The following CDK6 variants were observed in gnomAD, a reference collection of about 807,000 sequenced individuals.
The protein encoded by CDK6 is cyclin dependent kinase 6.
In CDK6, 6 loss-of-function variants were observed where a neutral mutation model predicts 37.1. The ratio of observed to expected loss-of-function variants is 0.16; its 90% CI spans 0.09 to 0.32. The LOEUF (loss-of-function observed/expected upper bound fraction) is 0.32, where lower values mean the gene tolerates loss of function less well. CDK6 is among the 10% of genes least tolerant of loss of function. CDK6 has a pLI of 1.00. For missense variants in CDK6, 224 were observed against 418.9 expected (o/e 0.53, Z 4.06); for synonymous variants, 160 against 161.3 (o/e 0.99, Z 0.06).
rs1487131285 is a variant in CDK6, at chr7:92,608,893, C to T, written c.*6247G>A. 1 of 232,356 alleles carries T rather than the reference C, an allele frequency of 4.3e-6. No homozygotes were observed. Among genetic ancestry groups the T allele is most frequent in the Non-Finnish European group, 8.5e-6 (1 of 117,470 alleles). The allele number at this position is 232,356 out of a possible 1,614,324, so 14.4% of individuals were successfully genotyped here. A position where few individuals can be genotyped will look rare whatever the true frequency, so the allele number is the denominator to read the frequency against. Reference sequence around the variant, plus strand: ...CCAAAGGGGCGGGGCAACGAGGCAGCGCGCCCGGAAGGCTTTCAAGTGGGA... The same window carrying T: ...CCAAAGGGGCGGGGCAACGAGGCAGTGCGCCCGGAAGGCTTTCAAGTGGGA... On this transcript the variant is annotated 3_prime_UTR_variant, in exon 8 of 8. Transcript: ENST00000424848.
chr7:92,621,348 C>CTG (rs1439746616), intron 6 of CDK6, among the ~76,000 whole-genome samples: 2 of 152,206 alleles, frequency 1.3e-5, no homozygotes, highest in Non-Finnish European at 2.9e-5. Context: ...AGGACTTTGC[C>CTG]AAAAGCAGAA....
intron 3 of CDK6, among the ~76,000 whole-genome samples, chr7:92,756,870 G>A (rs1368120854): frequency 6.6e-6 from 1 of 152,120 alleles, no homozygotes; most frequent in Admixed American, 6.6e-5. Context: ...ACTGGATAAG[G>A]GATCTGGGAA....
chr7:92,623,276 T>C (rs1468076584), intron 5 of CDK6, among the ~76,000 whole-genome samples, 190 bp from the exon 6 acceptor site: 2 of 152,144 alleles, frequency 1.3e-5, no homozygotes, highest in Non-Finnish European at 2.9e-5. Flanking sequence ...TTAGGATCTC[T>C]CATGAATACC....
In CDK6 at chr7:92,606,668, A is replaced by G. The variant is rs1023789028; in HGVS notation, c.*8472T>C. On this transcript the variant is annotated 3_prime_UTR_variant, in exon 8 of 8. Coordinates refer to ENST00000424848, the MANE Select transcript of CDK6 (RefSeq NM_001145306.2). ...TTTTTTTACTTTCAAAACATTTTCT[A>G]TTATAAGTCAGAAGGAAAAAAGCTT... The G allele has an allele frequency of 7.3e-5, 17 of 232,480 alleles. No homozygotes were observed. The highest frequency in any genetic ancestry group is 1.1e-4 in the Non-Finnish European group (13 of 117,900). The allele number at this position is 232,480 out of a possible 1,614,324, so 14.4% of individuals were successfully genotyped here.
rs1042454443 is a variant in CDK6, at chr7:92,618,167, C to T, written c.739G>A (p.Val247Ile). The T allele has an allele frequency of 3.1e-6, 5 of 1,614,042 alleles. No homozygotes were observed. The African/African-American group carries it at 5.3e-5, about 17-fold the overall frequency. ...TGAAAAGCCTGCCTGGGAAGGGCAA[C>T]ATCTCTAGGCCAGTCTTCTTCTCCT... ...LPGEEDWPRD[V>I]ALPRQAFHSK... is the part of the protein sequence containing the mutation. The change falls in exon 7 of 8, where the codon GTT (valine) becomes ATT (isoleucine). Residue 247 changes from valine to isoleucine, a missense_variant. This residue lies in a region of CDK6 where 90 missense variants were observed against 136.2 expected (regional missense o/e 0.66). Coordinates refer to ENST00000424848, the MANE Select transcript of CDK6 (RefSeq NM_001145306.2).
At chr7:92,779,517 T>C (rs1584081573) in intron 2 of CDK6, among the ~76,000 whole-genome samples, 1 of 152,340 alleles carries the variant, frequency 6.6e-6, no homozygotes, top group East Asian at 1.9e-4. Flanking sequence ...TTTTAATTTT[T>C]AAGGTGCCAT....
At chr7:92,752,254 T>G (rs138720010) in intron 3 of CDK6, among the ~76,000 whole-genome samples, 1 of 152,342 alleles carries the variant, frequency 6.6e-6, no homozygotes, top group Non-Finnish European at 1.5e-5. Flanking sequence ...TATAAAGGTA[T>G]AGGAAATGTT....
rs372023476 is a variant in CDK6, at chr7:92,680,288, C to T, written c.538-8753G>A. On this transcript the variant is annotated intron_variant, in intron 4 of 7. Transcript: ENST00000424848. ...TCTCTACTAAAAATACAAAATTAGT[C>T]GGGCATGGTGGTGCATGCCTGTAAT... Among the ~76,000 whole-genome samples, 7 of 150,576 alleles carry T rather than the reference C, an allele frequency of 4.6e-5. No individual in the cohort carries two copies. The East Asian group carries it at 6.0e-4, about 13-fold the overall frequency.
At chr7:92,831,247 A>C (rs1801470953) in intron 2 of CDK6, among the ~76,000 whole-genome samples, 1 of 152,210 alleles carries the variant, frequency 6.6e-6, no homozygotes, top group Non-Finnish European at 1.5e-5. Context: ...GATCAGACAA[A>C]ATCTACAAGC....
chr7:92,684,332 T>G (rs1797402423), intron 4 of CDK6, among the ~76,000 whole-genome samples: 1 of 152,200 alleles, frequency 6.6e-6, no homozygotes, highest in Non-Finnish European at 1.5e-5. Flanking sequence ...AACATTTCCA[T>G]AGTAATGCAG....
In CDK6 at chr7:92,607,909, G is replaced by C. The variant is rs1795465254; in HGVS notation, c.*7231C>G. 4.3e-6 allele frequency: 1 copy of C among 233,408 alleles called. No individual in the cohort carries two copies. The allele number at this position is 233,408 out of a possible 1,614,324, so 14.5% of individuals were successfully genotyped here. On this transcript the variant is annotated 3_prime_UTR_variant, in exon 8 of 8. Transcript: ENST00000424848. ...GAAAAGATATATCATGCACTGTGAG[G>C]TTTAAGAAATGTATTACTGCTGGGA...
At chr7:92,830,544 T>C (rs1801448267) in intron 2 of CDK6, among the ~76,000 whole-genome samples, 1 of 152,188 alleles carries the variant, frequency 6.6e-6, no homozygotes, top group African/African-American at 2.4e-5. Flanking sequence ...GGGACCCAAC[T>C]TTGACAACTC....
intron 2 of CDK6, among the ~76,000 whole-genome samples, chr7:92,775,625 A>G (rs1260959700): frequency 1.3e-5 from 2 of 152,226 alleles, no homozygotes; most frequent in South Asian, 2.1e-4. Flanking sequence ...TATTCAAGCC[A>G]AAGGACAAAA....
intron 4 of CDK6, among the ~76,000 whole-genome samples, chr7:92,688,176 T>C (rs187497745): frequency 6.6e-6 from 1 of 152,288 alleles, no homozygotes; most frequent in African/African-American, 2.4e-5. Flanking sequence ...ATACTACCAG[T>C]TTTCCAAGTG....
chr7:92,757,269 T>C (rs1799339514), intron 3 of CDK6, among the ~76,000 whole-genome samples: 1 of 152,162 alleles, frequency 6.6e-6, no homozygotes, highest in Admixed American at 6.6e-5. Context: ...AGCCCAGTAC[T>C]GAACAGTTAT....
intron 2 of CDK6, among the ~76,000 whole-genome samples, chr7:92,776,342 C>T (rs1247771118): frequency 1.3e-5 from 2 of 152,168 alleles, no homozygotes; most frequent in Admixed American, 6.5e-5. Context: ...CAAGTCTTTG[C>T]TATTGTGAAC....
chr7:92,758,842 AT>A (rs545270318), intron 3 of CDK6, among the ~76,000 whole-genome samples: 118 of 151,752 alleles, frequency 7.8e-4, no homozygotes, highest in African/African-American at 2.8e-3. Flanking sequence ...CATTGCAGAG[AT>A]TTTTCACCTC....
At chr7:92,667,487 T>C (rs565366687) in intron 5 of CDK6, among the ~76,000 whole-genome samples, 30 of 151,922 alleles carry the variant, frequency 2.0e-4, no homozygotes, top group African/African-American at 7.0e-4. Context: ...AGCCACTGCA[T>C]CTGGCTTGCT....
At chr7:92,662,166 G>C (rs1031999682) in intron 5 of CDK6, among the ~76,000 whole-genome samples, 5 of 152,218 alleles carry the variant, frequency 3.3e-5, no homozygotes, top group Admixed American at 2.0e-4. Flanking sequence ...TGCCTTGTAA[G>C]CAGGGAGAAT....
Sources: gnomAD v4.1 joint callset for allele counts (sites outside exome capture counted in the v4.1 genomes callset) on GRCh38, gnomAD v4.1.1 for gene constraint, gnomAD v4.1.1 regional missense constraint, MANE v1.5 for transcripts, NCBI Gene and HGNC (gene_info 2026-07-23, HGNC 2026-07-21) for gene names.